The following C10orf67 variants were observed in gnomAD, a reference collection of about 807,000 sequenced individuals.
C10orf67 encodes the protein chromosome 10 open reading frame 67.
Under a neutral mutation model 35.6 loss-of-function variants are expected in C10orf67, and 60 were observed. The observed-to-expected ratio is 1.68, with a 90% CI of 1.37 to 2.09. The LOEUF is 2.09. Among genes scored for constraint, C10orf67 ranks in the 30% most tolerant of loss-of-function variants. The probability of loss-of-function intolerance (pLI) is 0.00; values close to 1 mark genes in which losing one functional copy is unlikely to be tolerated. For missense variants in C10orf67, 474 were observed against 330.2 expected (o/e 1.44, Z -3.38); for synonymous variants, 167 against 115.8 (o/e 1.44, Z -2.84).
intron 13 of C10orf67, among the ~76,000 whole-genome samples, chr10:23,225,288 G>C (rs1841705160): frequency 1.3e-5 from 2 of 152,054 alleles, no homozygotes; most frequent in African/African-American, 2.4e-5. Context: ...AAGTGAAGGA[G>C]AAATAAAATC....
chr10:23,333,098 T>G lies in C10orf67; in HGVS notation c.291A>C (p.Val97=), dbSNP rs1845545275. 1.2e-6 allele frequency: 2 copies of G among 1,611,966 alleles called. No homozygotes were observed. Residue 97 remains valine (V), a synonymous_variant, in exon 2 of 16, where the codon GTA becomes GTC. Transcript: ENST00000636213. ...TTTGCGTAGATGAACTCAATTCTTT[T>G]ACTGACAGTATTTCACTGGAATCAG... ...TQTDSSEILS[V]KELSSSTQKL...
chr10:23,333,288 T>TAA, intron 1 of C10orf67, 106 bp from the exon 2 acceptor site: 1 of 1,079,546 alleles, frequency 9.3e-7, no homozygotes, highest in East Asian at 2.5e-5. Flanking sequence ...TTAAGTATTC[T>TAA]AAGAGGTTGG....
intron 2 of C10orf67, among the ~76,000 whole-genome samples, chr10:23,323,110 T>C (rs1336188826): frequency 4.6e-5 from 7 of 152,162 alleles, no homozygotes; most frequent in South Asian, 2.1e-4. Context: ...TTCCTAGCAG[T>C]TTCTTCCCAC....
At chr10:23,329,887 T>C (rs1387013308) in intron 2 of C10orf67, among the ~76,000 whole-genome samples, 2 of 146,234 alleles carry the variant, frequency 1.4e-5, no homozygotes, top group East Asian at 2.0e-4. Flanking sequence ...AATAAAATAA[T>C]AGCAAATAAT....
intron 4 of C10orf67, chr10:23,317,770 C>A (rs1256072441): frequency 3.3e-5 from 5 of 151,792 alleles, no homozygotes; most frequent in Admixed American, 3.3e-4. Context: ...TCCCTCCTTC[C>A]CTCTTTCTCT....
At chr10:23,298,140 A>G (rs1304648334) in intron 5 of C10orf67, among the ~76,000 whole-genome samples, 1 of 152,174 alleles carries the variant, frequency 6.6e-6, no homozygotes, top group Non-Finnish European at 1.5e-5. Context: ...CTGTAGTCCC[A>G]GCTACTCGGG....
intron 7 of C10orf67, among the ~76,000 whole-genome samples, chr10:23,289,407 T>TC (rs1458696287): frequency 6.6e-6 from 1 of 152,144 alleles, no homozygotes; most frequent in Non-Finnish European, 1.5e-5. Flanking sequence ...CAGAAGATTC[T>TC]CCAACCTTGG....
At chr10:23,287,774 G>GA (rs1214049094) in intron 7 of C10orf67, among the ~76,000 whole-genome samples, 1 of 151,824 alleles carries the variant, frequency 6.6e-6, no homozygotes, top group Non-Finnish European at 1.5e-5. Context: ...AAATTTACAA[G>GA]AAAAAAACAA....
In C10orf67 at chr10:23,204,213, G is replaced by A. The variant is rs1841096089; in HGVS notation, c.1613C>T (p.Pro538Leu). The stretch of plus-strand genomic sequence containing the variant: ...TGCGGGGCTGCTCTGGCGCATGGAG[G>A]GCTCCTCCAAGGACTCTTCTTTTGG... The part of the protein sequence containing the change: ...ESPKEESLEE[P>L]SMRQSSPAET... Residue 538 changes from proline (P) to leucine (L), a missense_variant, in exon 16 of 16, where the codon CCC (proline) becomes CTC (leucine). Transcript: ENST00000636213. 3.1e-6 allele frequency: 2 copies of A among 651,630 alleles called. No individual in the cohort carries two copies. The highest frequency in any genetic ancestry group is 2.3e-5 in the Admixed American group (1 of 43,948). The allele number at this position is 651,630 out of a possible 1,614,324, so 40.4% of individuals were successfully genotyped here.
At position 23,326,734 on chromosome 10, in the gene C10orf67, T is replaced by C. The variant is rs563581393; in HGVS notation, c.328-4197A>G. ...GGGAGGGTGGTAAACAGTTACAAGG[T>C]TATTGCGTTTTACATGAAGTTGTGC... On this transcript the variant is annotated intron_variant, in intron 2 of 15. Transcript: ENST00000636213. Among the ~76,000 whole-genome samples the C allele has an allele frequency of 1.4e-3, 209 of 152,242 alleles. 1 individual carries two copies. The highest frequency in any genetic ancestry group is 4.9e-3 in the African/African-American group (202 of 41,558).
chr10:23,272,758 G>C (rs1036874712), intron 8 of C10orf67, among the ~76,000 whole-genome samples: 1 of 152,172 alleles, frequency 6.6e-6, no homozygotes, highest in Non-Finnish European at 1.5e-5. Flanking sequence ...TTAGGATTGT[G>C]TTTAATCTAT....
chr10:23,241,627 A>G (rs543405597), intron 12 of C10orf67, among the ~76,000 whole-genome samples: 20 of 152,318 alleles, frequency 1.3e-4, no homozygotes, highest in African/African-American at 4.6e-4. Flanking sequence ...CTTGAGATAG[A>G]GTAATTATTC....
At chr10:23,238,021 C>T (rs538695110) in intron 13 of C10orf67, among the ~76,000 whole-genome samples, 51 of 152,268 alleles carry the variant, frequency 3.3e-4, no homozygotes, top group African/African-American at 1.2e-3. Context: ...TAATGCCTAT[C>T]TTTTTCACAC....
chr10:23,225,298 C>A lies in C10orf67; in HGVS notation c.1435-1480G>T, dbSNP rs527412428. Among the ~76,000 whole-genome samples the A allele has an allele frequency of 1.4e-4, 22 of 152,174 alleles. No homozygotes were observed. The South Asian group carries it at 4.3e-3, about 30-fold the overall frequency. Reference sequence around the variant, plus strand: ...TTCATAAGTGAAGGAGAAATAAAATCCTTTACAGACAAGCAAATGCTGAGA... The same window carrying A: ...TTCATAAGTGAAGGAGAAATAAAATACTTTACAGACAAGCAAATGCTGAGA... On this transcript the variant is annotated intron_variant, in intron 13 of 15. Coordinates refer to ENST00000636213, the MANE Select transcript of C10orf67 (RefSeq NM_001371909.1).
intron 13 of C10orf67, among the ~76,000 whole-genome samples, chr10:23,227,841 G>A (rs1004524131): frequency 9.2e-5 from 14 of 152,124 alleles, no homozygotes; most frequent in African/African-American, 2.9e-4. Context: ...ATTCATAATT[G>A]CTTCAAAGAG....
intron 10 of C10orf67, among the ~76,000 whole-genome samples, chr10:23,254,655 C>G (rs112580733): frequency 1.3e-3 from 192 of 152,150 alleles, no homozygotes; most frequent in African/African-American, 4.5e-3. Context: ...CATTTTTAAG[C>G]ACTTATATCA....
At chr10:23,228,990 A>T (rs967260786) in intron 13 of C10orf67, among the ~76,000 whole-genome samples, 12 of 152,136 alleles carry the variant, frequency 7.9e-5, no homozygotes, top group African/African-American at 2.2e-4. Flanking sequence ...TTGGTGGGAC[A>T]GTAAACTAGT....
intron 13 of C10orf67, among the ~76,000 whole-genome samples, chr10:23,228,877 C>T (rs897406204): frequency 9.9e-5 from 15 of 152,158 alleles, no homozygotes; most frequent in Non-Finnish European, 2.1e-4. Flanking sequence ...ATCAAAACCA[C>T]AATGAGATAC....
chr10:23,262,993 A>G lies in C10orf67; in HGVS notation c.1200+3269T>C, dbSNP rs1452835158. On this transcript the variant is annotated intron_variant, in intron 10 of 15. Coordinates refer to ENST00000636213, the MANE Select transcript of C10orf67 (RefSeq NM_001371909.1). ...AAGATCAAGTATGATAAGGAAAATTATTTTGTGTCATCATAATCCATCAAA... is the reference window on the plus strand; with the variant it reads ...AAGATCAAGTATGATAAGGAAAATTGTTTTGTGTCATCATAATCCATCAAA... Among the ~76,000 whole-genome samples the G allele has an allele frequency of 3.3e-5, 5 of 152,208 alleles. No homozygotes were observed. The East Asian group carries it at 9.6e-4, about 29-fold the overall frequency.
Sources: gnomAD v4.1 joint callset for allele counts (sites outside exome capture counted in the v4.1 genomes callset) on GRCh38, gnomAD v4.1.1 for gene constraint, MANE v1.5 for transcripts, NCBI Gene and HGNC (gene_info 2026-07-23, HGNC 2026-07-21) for gene names.